PRICKLE2: variants seen among roughly 807,000 people sequenced by gnomAD.
The protein encoded by PRICKLE2 is prickle-like protein 2.
In PRICKLE2, 21 loss-of-function variants were observed where a neutral mutation model predicts 81.4. That is an observed-to-expected ratio of 0.26 (90% CI 0.18 to 0.37). The LOEUF is 0.37. PRICKLE2 is among the 10% of genes least tolerant of loss of function. The probability of loss-of-function intolerance (pLI) is 1.00; values close to 1 mark genes in which losing one functional copy is unlikely to be tolerated. For missense variants in PRICKLE2, 940 were observed against 1,109.0 expected, an observed-to-expected ratio of 0.85 and a Z score of 2.16; for synonymous variants, 456 against 421.5, an observed-to-expected ratio of 1.08 and a Z score of -1.00.
rs1221058151 is a variant in PRICKLE2 at position 64,095,217 on chromosome 3, C to T, written c.*3834G>A. 6.6e-6 allele frequency: 1 copy of T among 152,008 alleles called. No individual in the cohort carries two copies. The highest frequency in any genetic ancestry group is 1.9e-4 in the East Asian group (1 of 5,190). The allele number at this position is 152,008 out of a possible 1,614,324, so 9.4% of individuals were successfully genotyped here. A position where few individuals can be genotyped will look rare whatever the true frequency, so the allele number is the denominator to read the frequency against. On this transcript the variant is annotated 3_prime_UTR_variant, in exon 8 of 8. Coordinates refer to ENST00000638394, the MANE Select transcript of PRICKLE2 (RefSeq NM_198859.4). The stretch of plus-strand genomic sequence containing the variant: ...GTAAAGAGATTTTTTTGTCCTTTAG[C>T]CTAAGAAGTCAGCTTCCTCGAGCCT...
chr3:64,252,164 G>A (rs2079456387), intron 2 of PRICKLE2, among the ~76,000 whole-genome samples: 1 of 152,186 alleles, frequency 6.6e-6, no homozygotes, highest in Non-Finnish European at 1.5e-5. Flanking sequence ...TGATAAGGTT[G>A]TTGGGAAGAT....
At chr3:64,240,721 T>C (rs994089884) in intron 2 of PRICKLE2, among the ~76,000 whole-genome samples, 15 of 152,152 alleles carry the variant, frequency 9.9e-5, no homozygotes, top group African/African-American at 3.4e-4. Flanking sequence ...ACCAGGGAAC[T>C]TGTTTAAAGT....
chr3:64,224,763 C>T (rs776259988), intron 1 of PRICKLE2, 147 bp downstream of exon 1: 3 of 248,866 alleles, frequency 1.2e-5, no homozygotes, highest in Admixed American at 6.5e-5. Context: ...CAAAAGGGGT[C>T]GCAGGGCCAC....
intron 7 of PRICKLE2, among the ~76,000 whole-genome samples, chr3:64,120,250 G>A (rs1559520570): frequency 1.3e-5 from 2 of 152,138 alleles, no homozygotes; most frequent in Admixed American, 6.5e-5. Flanking sequence ...TAAAATAGAA[G>A]CTATGGAATA....
Position 64,153,246 on chromosome 3 carries a change from G to C in PRICKLE2, c.723C>G (p.Pro241=). ...AGGACTCGAAGCAGTGGCAACAGTA[G>C]GGTCTTCCCTCCTTCATGATGTAGC... ...GQRYIMKEGR[P]YCCHCFESLY... is the part of the protein sequence containing the mutation. Residue 241 remains proline (P), a synonymous_variant, in exon 6 of 8, where the codon CCC becomes CCG. Coordinates refer to ENST00000638394, the MANE Select transcript of PRICKLE2 (RefSeq NM_198859.4). 6.2e-7 allele frequency: 1 copy of C among 1,614,174 alleles called. No homozygotes were observed. The highest frequency in any genetic ancestry group is 2.2e-5 in the East Asian group (1 of 44,874).
At chr3:64,187,685 C>T (rs2078260915) in intron 2 of PRICKLE2, 1 of 152,216 alleles carries the variant, frequency 6.6e-6, no homozygotes, top group Non-Finnish European at 1.5e-5. Context: ...CCAAAACCAC[C>T]CAGCAGACCT....
intron 1 of PRICKLE2, among the ~76,000 whole-genome samples, chr3:64,207,073 T>C (rs2078700711): frequency 6.6e-6 from 1 of 151,636 alleles, no homozygotes; most frequent in Non-Finnish European, 1.5e-5. Flanking sequence ...CTAATTTTTG[T>C]ATTTGTTGTA....
At chr3:64,150,504 G>C (rs1038494495) in intron 6 of PRICKLE2, among the ~76,000 whole-genome samples, 3 of 152,068 alleles carry the variant, frequency 2.0e-5, no homozygotes, top group African/African-American at 7.2e-5. Context: ...AAATAACTAG[G>C]AGGCTGCTCT....
intron 2 of PRICKLE2, among the ~76,000 whole-genome samples, chr3:64,259,389 G>A (rs1231431862): frequency 6.6e-6 from 1 of 152,124 alleles, no homozygotes; most frequent in Non-Finnish European, 1.5e-5. Flanking sequence ...AGTTCTGAGG[G>A]GTGAGGAAAT....
Position 64,192,791 on chromosome 3 carries a change from C to T in PRICKLE2, c.144+5993G>A, listed in dbSNP as rs190879369. On this transcript the variant is annotated intron_variant, in intron 2 of 7. Transcript: ENST00000638394. Reference sequence around the variant, plus strand: ...TTCTGGATGATGAATCTAATTGCAACTTATTCTGTGCTAAAACATAGTTAT... The same window carrying T: ...TTCTGGATGATGAATCTAATTGCAATTTATTCTGTGCTAAAACATAGTTAT... 4.1e-4 allele frequency among the ~76,000 whole-genome samples: 62 copies of T among 152,272 alleles called. 1 individual carries two copies. The highest frequency in any genetic ancestry group is 1.4e-3 in the African/African-American group (57 of 41,548).
intron 7 of PRICKLE2, among the ~76,000 whole-genome samples, chr3:64,143,406 A>G (rs2077394028): frequency 6.6e-6 from 1 of 152,182 alleles, no homozygotes; most frequent in African/African-American, 2.4e-5. Flanking sequence ...GCTTTGCCCA[A>G]GGATCCTAGA....
rs1035438833 is a variant in PRICKLE2, at chr3:64,094,299, G to A, written c.*4752C>T. On this transcript the variant is annotated 3_prime_UTR_variant, in exon 8 of 8. Transcript: ENST00000638394. ...GAAAGATATGAAAATCAACTAGGTA[G>A]GTTTAAGAACAGACCTTACTGGTAA... 23 of 152,292 alleles carry A rather than the reference G, an allele frequency of 1.5e-4. No homozygotes were observed. The highest frequency in any genetic ancestry group is 4.1e-4 in the African/African-American group (17 of 41,558). The allele number at this position is 152,292 out of a possible 1,614,324, so 9.4% of individuals were successfully genotyped here.
intron 1 of PRICKLE2, among the ~76,000 whole-genome samples, chr3:64,221,420 TACACACACACACACACACAC>T (rs71808412): frequency 1.4e-5 from 2 of 143,830 alleles, no homozygotes; most frequent in African/African-American, 5.1e-5. Context: ...GCTTGATTCA[TACACACACACACACACACAC>T]ACACACACAC....
At chr3:64,214,136 G>C (rs531361895) in intron 1 of PRICKLE2, among the ~76,000 whole-genome samples, 1 of 152,306 alleles carries the variant, frequency 6.6e-6, no homozygotes, top group Non-Finnish European at 1.5e-5. Flanking sequence ...GAGCCAGCTG[G>C]CAGCGGAATC....
chr3:64,180,605 T>C (rs1460636121), intron 2 of PRICKLE2, among the ~76,000 whole-genome samples: 1 of 152,082 alleles, frequency 6.6e-6, no homozygotes, highest in Non-Finnish European at 1.5e-5. Context: ...CTATCTCTGC[T>C]CACTGCAACC....
rs759852197 is a variant in PRICKLE2 at position 64,147,095 on chromosome 3, G to A, written c.1395C>T (p.Ile465=). ...GGTAATAGTCTTCTCGGCATTCCTTGATGAAGCTGCCAGCATGTCCTGTCA... is the reference window on the plus strand; with the variant it reads ...GGTAATAGTCTTCTCGGCATTCCTTAATGAAGCTGCCAGCATGTCCTGTCA... The part of the protein sequence containing the change: ...LAMTGHAGSF[I]KECREDYYPG... The change falls in exon 7 of 8, where the codon ATC becomes ATT. Residue 465 remains isoleucine (I), a synonymous_variant. Coordinates refer to ENST00000638394, the MANE Select transcript of PRICKLE2 (RefSeq NM_198859.4). This position sits in a 1 kb window ranked among gnomAD's most constrained non-coding sequence, Gnocchi z 5.0. The A allele has an allele frequency of 6.3e-5, 101 of 1,614,018 alleles. 1 individual carries two copies. The South Asian group carries it at 1.1e-3, about 17-fold the overall frequency.
chr3:64,173,343 A>G (rs2077966248), intron 2 of PRICKLE2, among the ~76,000 whole-genome samples: 1 of 152,228 alleles, frequency 6.6e-6, no homozygotes, highest in African/African-American at 2.4e-5. Flanking sequence ...ATAGCATACC[A>G]TCACACAGTA....
At chr3:64,127,195 T>C (rs2077122338) in intron 7 of PRICKLE2, among the ~76,000 whole-genome samples, 1 of 152,176 alleles carries the variant, frequency 6.6e-6, no homozygotes, top group Non-Finnish European at 1.5e-5. Context: ...GAGCAGTTCA[T>C]GGAGGACAAC....
At chr3:64,224,312 G>A (rs1480100154) in intron 1 of PRICKLE2, among the ~76,000 whole-genome samples, 1 of 152,160 alleles carries the variant, frequency 6.6e-6, no homozygotes, top group African/African-American at 2.4e-5. Flanking sequence ...TTTTCGAGAA[G>A]CCAAGAGTGA....
Sources: allele counts gnomAD v4.1 joint callset (sites outside exome capture counted in the v4.1 genomes callset), GRCh38; gene constraint gnomAD v4.1.1; non-coding constraint Gnocchi (gnomAD v3.1); transcripts MANE v1.5; gene names NCBI Gene and HGNC (gene_info 2026-07-23, HGNC 2026-07-21).